Variants in ANKS1B observed in about 807,000 individuals in gnomAD.
ANKS1B encodes the protein ankyrin repeat and sterile alpha motif domain-containing protein 1B.
ANKS1B carries 36 observed loss-of-function variants against 148.3 expected under a neutral mutation model. That is an observed-to-expected ratio of 0.24 (90% confidence interval 0.19 to 0.32). The LOEUF is 0.32. Ranked by LOEUF, ANKS1B falls within the 10% of genes least tolerant of loss-of-function variation. The pLI, the probability that ANKS1B is intolerant of heterozygous loss-of-function variation, is 1.00. For synonymous variants in ANKS1B, 542 were observed against 560.8 expected (o/e 0.97, Z 0.47); for missense variants, 1,157 against 1,542.6 (o/e 0.75, Z 4.19).
chr12:99,358,637 G>C (rs992950707), intron 12 of ANKS1B, among the ~76,000 whole-genome samples: 7 of 151,928 alleles, frequency 4.6e-5, no homozygotes, highest in Non-Finnish European at 1.0e-4. Context: ...CTAGTATCTT[G>C]CCGGGAAAAG....
intron 1 of ANKS1B, among the ~76,000 whole-genome samples, chr12:99,837,533 GC>G (rs952692488): frequency 6.6e-6 from 1 of 152,136 alleles, no homozygotes; most frequent in African/African-American, 2.4e-5. Flanking sequence ...TATGCAAAAT[GC>G]TTTGTATTGA....
chr12:99,789,315 T>C (rs1197189096), intron 4 of ANKS1B, among the ~76,000 whole-genome samples: 1 of 152,018 alleles, frequency 6.6e-6, no homozygotes, highest in Non-Finnish European at 1.5e-5. Context: ...GGGGCCCAAG[T>C]CCCTTCAAAT....
rs2099727996 is a variant in ANKS1B at position 98,884,170 on chromosome 12, C to A, written c.2779-52034G>T. On this transcript the variant is annotated intron_variant, in intron 17 of 26. Transcript: ENST00000683438. ...GCTAAACGCAAGTCAAAATGGTATC[C>A]CAAAGGAAACACTTTACTAGTGTTA... 2.0e-5 allele frequency among the ~76,000 whole-genome samples: 3 copies of A among 152,184 alleles called. No homozygotes were observed. The East Asian group carries it at 5.8e-4, about 29-fold the overall frequency.
chr12:99,028,471 T>G (rs1389806843), intron 17 of ANKS1B, among the ~76,000 whole-genome samples: 1 of 152,210 alleles, frequency 6.6e-6, no homozygotes, highest in Non-Finnish European at 1.5e-5. Flanking sequence ...TATTCCCACT[T>G]AGCTTCTGTT....
chr12:99,243,102 C>G (rs1043686099), intron 14 of ANKS1B, among the ~76,000 whole-genome samples: 1 of 151,842 alleles, frequency 6.6e-6, no homozygotes, highest in Non-Finnish European at 1.5e-5. Context: ...CTACAGAATG[C>G]GAGAAAATTT....
chr12:99,183,656 C>A (rs904525629), intron 14 of ANKS1B, among the ~76,000 whole-genome samples: 2 of 152,028 alleles, frequency 1.3e-5, no homozygotes, highest in East Asian at 3.9e-4. Context: ...AAAACAACAA[C>A]AATAACAACA....
At chr12:99,488,549 C>G (rs1329735046) in intron 10 of ANKS1B, among the ~76,000 whole-genome samples, 2 of 152,162 alleles carry the variant, frequency 1.3e-5, no homozygotes, top group Non-Finnish European at 2.9e-5. Context: ...TAGCAAACCT[C>G]TATCTTGCTT....
chr12:99,102,374 C>T (rs2058145384), intron 15 of ANKS1B, among the ~76,000 whole-genome samples: 1 of 152,072 alleles, frequency 6.6e-6, no homozygotes, highest in Non-Finnish European at 1.5e-5. Flanking sequence ...ATGTGCAGCA[C>T]AGCTGGAGAA....
At chr12:99,758,770 G>A (rs1181140979) in intron 8 of ANKS1B, among the ~76,000 whole-genome samples, 1 of 151,826 alleles carries the variant, frequency 6.6e-6, no homozygotes, top group Non-Finnish European at 1.5e-5. Flanking sequence ...AGAAATTAGT[G>A]TAATTCTTTA....
intron 22 of ANKS1B, chr12:98,795,748 A>C (rs1382393370): frequency 4.8e-6 from 2 of 413,844 alleles, no homozygotes; most frequent in Non-Finnish European, 9.4e-6. Flanking sequence ...GAGGCAGTCC[A>C]GTCTCTGGAT....
At chr12:99,459,495 C>T (rs1417575669) in intron 10 of ANKS1B, among the ~76,000 whole-genome samples, 2 of 151,908 alleles carry the variant, frequency 1.3e-5, no homozygotes, top group South Asian at 2.1e-4. Context: ...GACATGATCA[C>T]ATACCTAGGA....
At chr12:99,779,813 C>G in intron 6 of ANKS1B, 58 bp downstream of exon 6, 1 of 1,292,440 alleles carries the variant, frequency 7.7e-7, no homozygotes, top group Middle Eastern at 1.9e-4. Context: ...AAAACTGTAA[C>G]AGTTTTAATC....
rs141195737 is a variant in ANKS1B, at chr12:99,524,382, C to T, written c.1273-19741G>A. Among the ~76,000 whole-genome samples, 216 of 152,112 alleles carry T rather than the reference C, an allele frequency of 1.4e-3. 1 individual carries two copies. Among genetic ancestry groups the T allele is most frequent in the African/African-American group, 4.7e-3 (194 of 41,502 alleles). ...ATCCCTGGAAACTAGGAATACATTA[C>T]GTAACACATAGCAAAAGGAACTTTG... On this transcript the variant is annotated intron_variant, in intron 9 of 26. Coordinates refer to ENST00000683438, the MANE Select transcript of ANKS1B (RefSeq NM_001352186.2).
Position 99,812,884 on chromosome 12 carries a change from G to A in ANKS1B, c.216-573C>T, listed in dbSNP as rs143448180. On this transcript the variant is annotated intron_variant, in intron 2 of 26. Transcript: ENST00000683438. ...GATAATTGGAATAAGAGATTTAAGG[G>A]GTATGTAAAAGAGAAAGAAAGTGCA... 7.9e-5 allele frequency among the ~76,000 whole-genome samples: 12 copies of A among 151,408 alleles called. No homozygotes were observed. In the East Asian group the frequency reaches 1.9e-3, roughly 24 times the overall value.
At chr12:99,973,913 T>C (rs1380911784) in intron 1 of ANKS1B, among the ~76,000 whole-genome samples, 1 of 152,128 alleles carries the variant, frequency 6.6e-6, no homozygotes, top group Non-Finnish European at 1.5e-5. Flanking sequence ...TAACATAACA[T>C]AAATAAAGCA....
chr12:99,474,894 ATATT>A (rs1044897510), intron 10 of ANKS1B, among the ~76,000 whole-genome samples: 1 of 151,990 alleles, frequency 6.6e-6, no homozygotes, highest in Non-Finnish European at 1.5e-5. Flanking sequence ...AAGAGTGAAA[ATATT>A]TATTTTTGTT....
chr12:99,139,061 G>GT (rs998683543), intron 15 of ANKS1B, among the ~76,000 whole-genome samples: 1 of 149,784 alleles, frequency 6.7e-6, no homozygotes, highest in African/African-American at 2.5e-5. Flanking sequence ...GAATGCAGTG[G>GT]TGTGCTCAGA....
chr12:99,122,782 G>A (rs1344836457), intron 15 of ANKS1B, among the ~76,000 whole-genome samples: 1 of 151,968 alleles, frequency 6.6e-6, no homozygotes, highest in Admixed American at 6.6e-5. Context: ...TCATTATCTT[G>A]TCTGGGCTCA....
At chr12:98,871,961 G>A (rs980809512) in intron 17 of ANKS1B, among the ~76,000 whole-genome samples, 3 of 152,078 alleles carry the variant, frequency 2.0e-5, no homozygotes, top group Non-Finnish European at 4.4e-5. Context: ...ATTTTCATTC[G>A]AAACAGAGCT....
Sources: gnomAD v4.1 joint callset for allele counts (sites outside exome capture counted in the v4.1 genomes callset) on GRCh38, gnomAD v4.1.1 for gene constraint, MANE v1.5 for transcripts, NCBI Gene and HGNC (gene_info 2026-07-23, HGNC 2026-07-21) for gene names.